Variants in MLLT10 observed in about 807,000 individuals in gnomAD.
MLLT10 encodes MLLT10 histone lysine methyltransferase DOT1L cofactor, also known as protein AF-10.
In MLLT10, 30 loss-of-function variants were observed where a neutral mutation model predicts 129.1. That is an observed-to-expected ratio of 0.23 (90% CI 0.17 to 0.32). The LOEUF is 0.32. Among genes scored for constraint, MLLT10 ranks in the 10% least tolerant of loss-of-function variants. The probability of loss-of-function intolerance (pLI) is 1.00; values close to 1 mark genes in which losing one functional copy is unlikely to be tolerated. For missense variants in MLLT10, 1,119 were observed against 1,268.3 expected (o/e 0.88, Z 1.79); for synonymous variants, 490 against 446.4 (o/e 1.10, Z -1.23).
intron 13 of MLLT10, among the ~76,000 whole-genome samples, chr10:21,698,024 TA>T (rs1317550793): frequency 6.6e-6 from 1 of 152,202 alleles, no homozygotes; most frequent in Non-Finnish European, 1.5e-5. Flanking sequence ...GTATGTGGGG[TA>T]TCCATCACCT....
intron 3 of MLLT10, among the ~76,000 whole-genome samples, chr10:21,568,824 C>T (rs773404121): frequency 1.3e-5 from 2 of 152,042 alleles, no homozygotes; most frequent in East Asian, 1.9e-4. Context: ...TTAGCAGAGA[C>T]GGGGTTTCAC....
At chr10:21,586,493 C>A in intron 4 of MLLT10, 145 bp downstream of exon 4, 2 of 745,300 alleles carry the variant, frequency 2.7e-6, no homozygotes, top group Non-Finnish European at 4.5e-6. Context: ...ATTTATAAAT[C>A]CTTATTGTAT....
chr10:21,608,467 A>AT (rs2044282876), intron 5 of MLLT10, among the ~76,000 whole-genome samples: 1 of 149,790 alleles, frequency 6.7e-6, no homozygotes, highest in Non-Finnish European at 1.5e-5. Context: ...GTGAGTTACC[A>AT]CTCCTAGCCA....
At chr10:21,556,578 G>T in intron 3 of MLLT10, 1 of 1,294,126 alleles carries the variant, frequency 7.7e-7, no homozygotes, top group South Asian at 1.4e-5. Flanking sequence ...AGTTTTCTAG[G>T]GCAGGTGAGA....
chr10:21,606,598 A>T (rs2044095377), intron 5 of MLLT10, among the ~76,000 whole-genome samples: 1 of 152,166 alleles, frequency 6.6e-6, no homozygotes, highest in South Asian at 2.1e-4. Context: ...GAGATTCAAG[A>T]CTTTGATGGA....
intron 8 of MLLT10, among the ~76,000 whole-genome samples, chr10:21,619,593 C>G (rs1368362291): frequency 1.3e-5 from 2 of 152,094 alleles, no homozygotes; most frequent in African/African-American, 4.8e-5. Context: ...ACTTGTTTAG[C>G]TTTAATATTT....
intron 5 of MLLT10, among the ~76,000 whole-genome samples, chr10:21,608,291 T>G (rs1448874246): frequency 6.6e-6 from 1 of 152,026 alleles, no homozygotes; most frequent in Non-Finnish European, 1.5e-5. Flanking sequence ...CACCTCAGCT[T>G]CCTGAGTAGC....
chr10:21,741,930 T>G lies in MLLT10; in HGVS notation c.3163-9T>G. ...TAGCTAACGCATCTGCTCTTTTGTTTACCTGCAGAGACTTAGTGATAAAAC... is the reference window on the plus strand; with the variant it reads ...TAGCTAACGCATCTGCTCTTTTGTTGACCTGCAGAGACTTAGTGATAAAAC... On this transcript the variant is annotated splice_polypyrimidine_tract_variant and intron_variant, in intron 22 of 22. Transcript: ENST00000307729. 6.2e-7 allele frequency: 1 copy of G among 1,610,328 alleles called. No individual in the cohort carries two copies. The highest frequency in any genetic ancestry group is 1.7e-4 in the Middle Eastern group (1 of 6,058).
At chr10:21,713,124 C>T (rs1440420755) in intron 13 of MLLT10, among the ~76,000 whole-genome samples, 1 of 152,178 alleles carries the variant, frequency 6.6e-6, no homozygotes, top group Non-Finnish European at 1.5e-5. Flanking sequence ...TAGCCCAGTT[C>T]ATCATGTCTT....
At position 21,623,220 on chromosome 10, in the gene MLLT10, T is replaced by A. The variant is rs576810362; in HGVS notation, c.699+6013T>A. On this transcript the variant is annotated intron_variant, in intron 8 of 22. Coordinates refer to ENST00000307729, the MANE Select transcript of MLLT10 (RefSeq NM_001195626.3). ...AAATCGTTGGTCATTGGTGATTGAA[T>A]TCAACCTCCAGCCCTTCACCCCTCA... 7.2e-5 allele frequency among the ~76,000 whole-genome samples: 11 copies of A among 152,316 alleles called. No homozygotes were observed. In the South Asian group the frequency reaches 2.3e-3, roughly 32 times the overall value.
At chr10:21,589,822 A>C (rs1339641800) in intron 4 of MLLT10, among the ~76,000 whole-genome samples, 1 of 152,140 alleles carries the variant, frequency 6.6e-6, no homozygotes, top group East Asian at 1.9e-4. Flanking sequence ...AGAAACTGAA[A>C]CTTTTCTGGG....
chr10:21,648,301 A>G (rs373705716), intron 8 of MLLT10, among the ~76,000 whole-genome samples: 11 of 152,240 alleles, frequency 7.2e-5, no homozygotes, highest in South Asian at 2.1e-4. Context: ...ATTGCAGGAT[A>G]CATTTCTTGA....
chr10:21,661,613 C>T (rs2050212285), intron 9 of MLLT10: 1 of 152,068 alleles, frequency 6.6e-6, no homozygotes, highest in Admixed American at 6.6e-5. Flanking sequence ...TACCTTTCTC[C>T]ATTTCCTTTT....
intron 3 of MLLT10, among the ~76,000 whole-genome samples, chr10:21,578,854 T>C (rs1359604618): frequency 6.6e-6 from 1 of 152,214 alleles, no homozygotes; most frequent in Non-Finnish European, 1.5e-5. Flanking sequence ...ATGTATATTA[T>C]AAGCCCCAGA....
At chr10:21,579,964 C>T (rs966380969) in intron 3 of MLLT10, among the ~76,000 whole-genome samples, 2 of 151,344 alleles carry the variant, frequency 1.3e-5, no homozygotes, top group African/African-American at 2.4e-5. Context: ...TTTTACTTCA[C>T]ATGTTGTATT....
rs77367881 is a variant in MLLT10, at chr10:21,542,574, A to T, written c.240+3662A>T. Among the ~76,000 whole-genome samples, 78 of 152,164 alleles carry T rather than the reference A, an allele frequency of 5.1e-4. 2 individuals carry two copies. In the East Asian group the frequency reaches 5.8e-3, roughly 11 times the overall value. On this transcript the variant is annotated intron_variant, in intron 3 of 22. Coordinates refer to ENST00000307729, the MANE Select transcript of MLLT10 (RefSeq NM_001195626.3). The stretch of plus-strand genomic sequence containing the variant: ...AATGAGTGAAACTCTGTCTCAAAAA[A>T]ATATATATATATTAGATGCTGCTGG...
At chr10:21,571,391 C>G (rs1225844590) in intron 3 of MLLT10, among the ~76,000 whole-genome samples, 2 of 152,228 alleles carry the variant, frequency 1.3e-5, no homozygotes, top group Non-Finnish European at 2.9e-5. Flanking sequence ...CCTCCTTGGA[C>G]TTCCAGCTTC....
intron 4 of MLLT10, among the ~76,000 whole-genome samples, chr10:21,594,979 C>G (rs953740746): frequency 7.2e-5 from 11 of 151,998 alleles, no homozygotes; most frequent in African/African-American, 2.7e-4. Flanking sequence ...TAAATTTTGT[C>G]GTAAGTATTA....
At position 21,645,995 on chromosome 10, in the gene MLLT10, C is replaced by T. The variant is rs151269684; in HGVS notation, c.700-5678C>T. ...CGAGGCAGGCAGATCACTTGAGGCC[C>T]GGAGTTCGAGACCAGCCTGGCCAAC... On this transcript the variant is annotated intron_variant, in intron 8 of 22. Coordinates refer to ENST00000307729, the MANE Select transcript of MLLT10 (RefSeq NM_001195626.3). 2.4e-3 allele frequency among the ~76,000 whole-genome samples: 370 copies of T among 152,102 alleles called. 14 individuals are homozygous for T. The East Asian group carries it at 0.06, about 25-fold the overall frequency.
Sources: allele counts gnomAD v4.1 joint callset (sites outside exome capture counted in the v4.1 genomes callset), GRCh38; gene constraint gnomAD v4.1.1; transcripts MANE v1.5; gene names NCBI Gene and HGNC (gene_info 2026-07-23, HGNC 2026-07-21).